Variants in GDPD4 observed in about 807,000 individuals in gnomAD.
GDPD4 encodes glycerophosphodiester phosphodiesterase domain containing 4.
Under a neutral mutation model 67.8 loss-of-function variants are expected in GDPD4, and 60 were observed. The ratio of observed to expected loss-of-function variants is 0.88; its 90% CI spans 0.72 to 1.10. The LOEUF (loss-of-function observed/expected upper bound fraction) is 1.10. Ranked by LOEUF, GDPD4 falls within the 50% of genes least tolerant of loss-of-function variation. The pLI is 0.00. For synonymous variants in GDPD4, 212 were observed against 210.9 expected (o/e 1.00, Z -0.04); for missense variants, 623 against 613.9 (o/e 1.01, Z -0.16).
chr11:77,259,154 T>G (rs1485277161), intron 10 of GDPD4, among the ~76,000 whole-genome samples: 1 of 152,014 alleles, frequency 6.6e-6, no homozygotes, highest in East Asian at 1.9e-4. Flanking sequence ...TATTTTTGTA[T>G]TTTTTAGTAG....
chr11:77,231,877 C>A (rs571949324), intron 14 of GDPD4, among the ~76,000 whole-genome samples: 1 of 152,312 alleles, frequency 6.6e-6, no homozygotes, highest in South Asian at 2.1e-4. Flanking sequence ...CCATCCAAAG[C>A]TCCCTTCAGG....
intron 11 of GDPD4, among the ~76,000 whole-genome samples, chr11:77,256,903 T>A (rs954924): frequency 0.72 from 109,912 of 152,144 alleles, 41,266 homozygotes; most frequent in Middle Eastern, 0.83. Context: ...TCTTTTCTTT[T>A]TAAATTACCC....
At chr11:77,231,654 C>G (rs890208345) in intron 14 of GDPD4, among the ~76,000 whole-genome samples, 4 of 152,276 alleles carry the variant, frequency 2.6e-5, no homozygotes, top group Non-Finnish European at 5.9e-5. Context: ...TCAGAAATAG[C>G]ATCATTTAAG....
intron 16 of GDPD4, among the ~76,000 whole-genome samples, chr11:77,220,044 T>G (rs1268194338): frequency 1.3e-5 from 2 of 152,090 alleles, no homozygotes; most frequent in African/African-American, 2.4e-5. Flanking sequence ...GGGCTGAGAC[T>G]ATGGGGTGAT....
chr11:77,268,035 C>A (rs1466960317), intron 10 of GDPD4, among the ~76,000 whole-genome samples: 1 of 152,064 alleles, frequency 6.6e-6, no homozygotes, highest in Non-Finnish European at 1.5e-5. Flanking sequence ...TGTAAACATC[C>A]CATGTCTCCT....
At chr11:77,287,887 AGG>A (rs750486155) in intron 1 of GDPD4, among the ~76,000 whole-genome samples, 19 of 152,220 alleles carry the variant, frequency 1.2e-4, no homozygotes, top group Non-Finnish European at 2.6e-4. Context: ...GGAATCAGTT[AGG>A]GTTAGCTTCA....
chr11:77,258,187 G>A lies in GDPD4; in HGVS notation c.864+199C>T, dbSNP rs560782625. The stretch of plus-strand genomic sequence containing the variant: ...TACAAGTTTGTCTTCAGACTTTCTA[G>A]TGAATGTAGAAAGCAGCAATTAGAC... On this transcript the variant is annotated intron_variant, in intron 11 of 16. Coordinates refer to ENST00000315938, the MANE Select transcript of GDPD4 (RefSeq NM_182833.3). 5.3e-5 allele frequency among the ~76,000 whole-genome samples: 8 copies of A among 152,340 alleles called. No homozygotes were observed. In the South Asian group the frequency reaches 1.7e-3, roughly 32 times the overall value.
chr11:77,282,579 G>A (rs911668867), intron 3 of GDPD4, among the ~76,000 whole-genome samples: 1 of 151,858 alleles, frequency 6.6e-6, no homozygotes, highest in Non-Finnish European at 1.5e-5. Context: ...GGTCAAGCTT[G>A]GGAGGCAGAG....
chr11:77,290,558 T>A (rs899555514), intron 1 of GDPD4, among the ~76,000 whole-genome samples: 1 of 152,096 alleles, frequency 6.6e-6, no homozygotes, highest in East Asian at 1.9e-4. Context: ...AAAAAAATTA[T>A]TGAAACAAAT....
At chr11:77,260,132 C>A (rs1959083676) in intron 10 of GDPD4, among the ~76,000 whole-genome samples, 1 of 152,028 alleles carries the variant, frequency 6.6e-6, no homozygotes, top group South Asian at 2.1e-4. Context: ...CATAGTGAAA[C>A]CCCGTCTCTA....
intron 5 of GDPD4, among the ~76,000 whole-genome samples, chr11:77,275,537 G>T (rs563906393): frequency 6.6e-6 from 1 of 152,168 alleles, no homozygotes; most frequent in East Asian, 1.9e-4. Flanking sequence ...AACACACATA[G>T]AAAACGTCCA....
chr11:77,242,739 T>C (rs1403349717), intron 13 of GDPD4, among the ~76,000 whole-genome samples: 1 of 151,170 alleles, frequency 6.6e-6, no homozygotes, highest in African/African-American at 2.4e-5. Flanking sequence ...AGAAGAGTAG[T>C]TGAGTAAAGA....
chr11:77,259,570 AAAAAAAAAAAATGACAT>A (rs924521948), intron 10 of GDPD4, among the ~76,000 whole-genome samples: 4 of 148,892 alleles, frequency 2.7e-5, no homozygotes, highest in Admixed American at 6.7e-5. Context: ...AGAAAAGCAA[AAAAAAAAAAAATGACAT>A]AAGCAATTCC....
chr11:77,239,675 AG>A (rs1958627759), intron 13 of GDPD4, among the ~76,000 whole-genome samples: 1 of 152,134 alleles, frequency 6.6e-6, no homozygotes, highest in Non-Finnish European at 1.5e-5. Context: ...CACTGATGAA[AG>A]GGGCCGGGTG....
chr11:77,272,912 T>A (rs746024975), intron 5 of GDPD4, among the ~76,000 whole-genome samples: 2 of 152,184 alleles, frequency 1.3e-5, no homozygotes, highest in Non-Finnish European at 1.5e-5. Flanking sequence ...GAGCAAAATA[T>A]GAAGAAACAT....
intron 1 of GDPD4, among the ~76,000 whole-genome samples, chr11:77,298,098 G>A (rs557640262): frequency 8.1e-5 from 12 of 147,944 alleles, no homozygotes; most frequent in East Asian, 7.8e-4. Context: ...TTGTTGTTTC[G>A]TTTTTTTAAA....
chr11:77,219,968 A>C (rs1317031665), intron 16 of GDPD4, among the ~76,000 whole-genome samples: 1 of 152,144 alleles, frequency 6.6e-6, no homozygotes, highest in Non-Finnish European at 1.5e-5. Flanking sequence ...AATGCTTGTG[A>C]GTTTTGCACA....
chr11:77,228,316 G>C (rs573060612), intron 15 of GDPD4, among the ~76,000 whole-genome samples: 2 of 145,092 alleles, frequency 1.4e-5, no homozygotes, highest in East Asian at 3.9e-4. Context: ...GACCAATATG[G>C]TGAAACCCCA....
intron 14 of GDPD4, 27 bp downstream of exon 14, chr11:77,232,998 G>C (rs1429000102): frequency 6.2e-7 from 1 of 1,612,372 alleles, no homozygotes; most frequent in Non-Finnish European, 8.5e-7. Context: ...ACCAAGCCTG[G>C]AAGAACAATC....
Sources: allele counts gnomAD v4.1 joint callset (sites outside exome capture counted in the v4.1 genomes callset), GRCh38; gene constraint gnomAD v4.1.1; transcripts MANE v1.5; gene names NCBI Gene and HGNC (gene_info 2026-07-23, HGNC 2026-07-21).